Variants in AHI1 observed in about 807,000 individuals in gnomAD.
The protein encoded by AHI1 is Abelson helper integration site 1, also known as jouberin.
In AHI1, 123 loss-of-function variants were observed where a neutral mutation model predicts 149.3. The observed-to-expected ratio is 0.82, with a 90% CI of 0.71 to 0.96. The LOEUF (loss-of-function observed/expected upper bound fraction) is 0.96, where lower values mean the gene tolerates loss of function less well. Ranked by LOEUF, AHI1 falls within the 40% of genes least tolerant of loss-of-function variation. AHI1 has a pLI of 0.00. For missense variants in AHI1, 1,439 were observed against 1,422.7 expected, an observed-to-expected ratio of 1.01 and a Z score of -0.18; for synonymous variants, 475 against 459.8, an observed-to-expected ratio of 1.03 and a Z score of -0.42.
At chr6:135,448,557 A>G in intron 11 of AHI1, 82 bp from the exon 12 acceptor site, 1 of 1,125,532 alleles carries the variant, frequency 8.9e-7, no homozygotes, top group South Asian at 3.1e-5. Flanking sequence ...AGTCAGAAAC[A>G]TTTTTAAAAG....
intron 25 of AHI1, among the ~76,000 whole-genome samples, chr6:135,320,830 T>A (rs1786710426): frequency 1.3e-5 from 2 of 152,156 alleles, no homozygotes; most frequent in Non-Finnish European, 2.9e-5. Context: ...TGCCAGCAGC[T>A]CTTGATTTAA....
intron 16 of AHI1, 53 bp downstream of exon 16, chr6:135,432,974 G>T: frequency 7.3e-7 from 1 of 1,363,720 alleles, no homozygotes; most frequent in Non-Finnish European, 1.0e-6. Flanking sequence ...CTATTATTCT[G>T]GTAAAAAAAA....
chr6:135,479,410 G>A (rs1793239634), intron 5 of AHI1, among the ~76,000 whole-genome samples: 1 of 152,176 alleles, frequency 6.6e-6, no homozygotes, highest in African/African-American at 2.4e-5. Context: ...GTCTAGATGT[G>A]AGACATGGAG....
In AHI1 at chr6:135,318,559, T is replaced by C; in HGVS notation, c.3386A>G (p.Glu1129Gly). Residue 1129 changes from glutamate (E) to glycine (G), a missense_variant, in exon 26 of 29, where the codon GAG becomes GGG. Transcript: ENST00000265602. Reference protein sequence around the residue: ...IKERSPPLSPEEKTKIEKSPA... With the variant: ...IKERSPPLSPGEKTKIEKSPA... ...AGATTTTTCTATTTTAGTTTTTTCC[T>C]CAGGGCTTAAAGGAGGGGATCGCTC... 1 of 1,604,708 alleles carries C rather than the reference T, an allele frequency of 6.2e-7. No individual in the cohort carries two copies. Among genetic ancestry groups the C allele is most frequent in the Non-Finnish European group, 8.5e-7 (1 of 1,175,506 alleles).
At chr6:135,289,387 C>T (rs1038441224) in intron 28 of AHI1, among the ~76,000 whole-genome samples, 1 of 151,648 alleles carries the variant, frequency 6.6e-6, no homozygotes, top group Non-Finnish European at 1.5e-5. Flanking sequence ...CCCAGCTACT[C>T]GGGAGGCTGA....
intron 23 of AHI1, among the ~76,000 whole-genome samples, chr6:135,363,025 T>A (rs1483803016): frequency 6.6e-6 from 1 of 150,406 alleles, no homozygotes; most frequent in Non-Finnish European, 1.5e-5. Flanking sequence ...CATCTTTTTT[T>A]TAAATTTTAT....
chr6:135,363,142 T>A (rs369824845), intron 23 of AHI1, among the ~76,000 whole-genome samples: 3 of 151,282 alleles, frequency 2.0e-5, no homozygotes, highest in African/African-American at 7.3e-5. Flanking sequence ...GGAAGGTCAG[T>A]AGATAAACAA....
At position 135,380,444 on chromosome 6, in the gene AHI1, G is replaced by A. The variant is rs113811375; in HGVS notation, c.3109+14332C>T. Among the ~76,000 whole-genome samples, 1,417 of 152,132 alleles carry A rather than the reference G, an allele frequency of 9.3e-3. 20 individuals are homozygous for A. The highest frequency in any genetic ancestry group is 0.032 in the African/African-American group (1,323 of 41,500). The stretch of plus-strand genomic sequence containing the variant: ...ATCCAAATACTGTCCATTTTATATT[G>A]GGGACTTGAGCATCCAAGGACCTTG... On this transcript the variant is annotated intron_variant, in intron 23 of 28. Transcript: ENST00000265602.
Position 135,419,454 on chromosome 6 carries a change from G to A in AHI1, c.2764+7713C>T, listed in dbSNP as rs531368330. 1.1e-4 allele frequency among the ~76,000 whole-genome samples: 17 copies of A among 151,914 alleles called. No individual in the cohort carries two copies. In the South Asian group the frequency reaches 2.7e-3, roughly 24 times the overall value. ...CACAGGCATTACTCAGAGATATGGC[G>A]GGTTTGGTTTCAGACTACTGCAATA... On this transcript the variant is annotated intron_variant, in intron 20 of 28. Coordinates refer to ENST00000265602, the MANE Select transcript of AHI1 (RefSeq NM_001134831.2).
intron 23 of AHI1, among the ~76,000 whole-genome samples, chr6:135,379,373 C>A (rs998694700): frequency 2.6e-5 from 4 of 152,164 alleles, no homozygotes; most frequent in African/African-American, 7.2e-5. Context: ...TTACTTCAAC[C>A]CCCTTCTCCT....
chr6:135,473,260 T>C (rs535826540), intron 5 of AHI1, among the ~76,000 whole-genome samples: 2 of 152,286 alleles, frequency 1.3e-5, no homozygotes, highest in South Asian at 4.1e-4. Context: ...ATTGAACATA[T>C]ATATTTGAAT....
At chr6:135,387,801 T>C (rs768448308) in intron 23 of AHI1, 4 of 1,346,906 alleles carry the variant, frequency 3.0e-6, no homozygotes, top group Non-Finnish European at 3.8e-6. Context: ...ATACTGTTTA[T>C]TCTCCCAATA....
chr6:135,330,030 T>C (rs1217806859), intron 24 of AHI1, among the ~76,000 whole-genome samples: 1 of 152,244 alleles, frequency 6.6e-6, no homozygotes, highest in Non-Finnish European at 1.5e-5. Context: ...TTCTTTCTTA[T>C]GGATGAACAA....
At chr6:135,347,968 C>T (rs1382016345) in intron 24 of AHI1, among the ~76,000 whole-genome samples, 1 of 152,110 alleles carries the variant, frequency 6.6e-6, no homozygotes, top group Non-Finnish European at 1.5e-5. Flanking sequence ...GTTTTTTCCC[C>T]CTCTACGGAT....
intron 7 of AHI1, among the ~76,000 whole-genome samples, chr6:135,465,226 C>A (rs1790551060): frequency 6.6e-6 from 1 of 152,112 alleles, no homozygotes; most frequent in African/African-American, 2.4e-5. Context: ...AGCATTTTTA[C>A]CTTATTGTTT....
chr6:135,390,626 A>C (rs1013321947), intron 23 of AHI1, among the ~76,000 whole-genome samples: 16 of 152,172 alleles, frequency 1.1e-4, no homozygotes, highest in Non-Finnish European at 2.2e-4. Context: ...GGTGAGGATA[A>C]GAAGTACTGA....
intron 24 of AHI1, among the ~76,000 whole-genome samples, chr6:135,356,018 T>C (rs1022790484): frequency 6.6e-6 from 1 of 152,172 alleles, no homozygotes; most frequent in African/African-American, 2.4e-5. Flanking sequence ...ACCACTCTCC[T>C]AGAACTGCCA....
intron 26 of AHI1, among the ~76,000 whole-genome samples, chr6:135,308,485 C>G (rs1784785265): frequency 6.6e-6 from 1 of 152,170 alleles, no homozygotes; most frequent in Non-Finnish European, 1.5e-5. Flanking sequence ...ATCCATCCAC[C>G]CTGGCCTCCC....
intron 5 of AHI1, among the ~76,000 whole-genome samples, chr6:135,482,915 A>G (rs1449084562): frequency 1.3e-3 from 1 of 784 alleles, no homozygotes; most frequent in Middle Eastern, 0.5. Flanking sequence ...TTTTTGAGAC[A>G]GAGTCTCACT....
Sources: allele counts gnomAD v4.1 joint callset (sites outside exome capture counted in the v4.1 genomes callset), GRCh38; gene constraint gnomAD v4.1.1; transcripts MANE v1.5; gene names NCBI Gene and HGNC (gene_info 2026-07-23, HGNC 2026-07-21).